Variants in ZC3H3 observed in about 807,000 individuals in gnomAD.
The protein encoded by ZC3H3 is zinc finger CCCH domain-containing protein 3.
Under a neutral mutation model 77.3 loss-of-function variants are expected in ZC3H3, and 36 were observed. The observed-to-expected ratio is 0.47, with a 90% CI of 0.36 to 0.61. The LOEUF is 0.61. Ranked by LOEUF, ZC3H3 falls within the 20% of genes least tolerant of loss-of-function variation. The pLI is 0.00. For synonymous variants in ZC3H3, 626 were observed against 555.2 expected, an observed-to-expected ratio of 1.13 and a Z score of -1.79; for missense variants, 1,331 against 1,312.2, an observed-to-expected ratio of 1.01 and a Z score of -0.22.
At chr8:143,481,180 G>T (rs534683678) in intron 4 of ZC3H3, among the ~76,000 whole-genome samples, 31 of 152,268 alleles carry the variant, frequency 2.0e-4, no homozygotes, top group Non-Finnish European at 3.8e-4. Flanking sequence ...GGGAAGGCTG[G>T]GCCTCTCCGG....
intron 3 of ZC3H3, among the ~76,000 whole-genome samples, chr8:143,508,957 G>A (rs897129434): frequency 1.3e-5 from 2 of 152,146 alleles, no homozygotes; most frequent in South Asian, 2.1e-4. Context: ...TAAACGCAAC[G>A]GACCTTGAGC....
chr8:143,518,927 G>A (rs1563875608), intron 3 of ZC3H3, among the ~76,000 whole-genome samples: 1 of 152,348 alleles, frequency 6.6e-6, no homozygotes, highest in East Asian at 1.9e-4. Flanking sequence ...TTGCCTTTGA[G>A]GGAAGCCCAT....
chr8:143,527,843 G>A (rs1053056558), intron 3 of ZC3H3, among the ~76,000 whole-genome samples: 9 of 152,188 alleles, frequency 5.9e-5, no homozygotes, highest in Non-Finnish European at 8.8e-5. Flanking sequence ...CAAAGGCACC[G>A]CTCAGCCCCA....
Position 143,454,206 on chromosome 8 carries a change from C to T in ZC3H3, c.2307+11511G>A, listed in dbSNP as rs530877069. On this transcript the variant is annotated intron_variant, in intron 9 of 11. Transcript: ENST00000262577. ...AAGCAATTCTCCTGCCTCAGCCTCC[C>T]AAGTAGCTGGGATTACAGGTGCCTA... 5.4e-4 allele frequency among the ~76,000 whole-genome samples: 82 copies of T among 150,582 alleles called. 1 individual carries two copies. The South Asian group carries it at 0.017, about 31-fold the overall frequency.
At chr8:143,466,835 C>T (rs1359607110) in intron 8 of ZC3H3, among the ~76,000 whole-genome samples, 1 of 152,202 alleles carries the variant, frequency 6.6e-6, no homozygotes, top group Non-Finnish European at 1.5e-5. Context: ...CTACCCTTGT[C>T]CCCCTCCCCT....
intron 11 of ZC3H3, 41 bp from the exon 12 acceptor site, chr8:143,438,128 G>A (rs774234200): frequency 1.3e-6 from 2 of 1,590,532 alleles, no homozygotes; most frequent in Non-Finnish European, 1.7e-6. Flanking sequence ...GGAAACCCCT[G>A]GAAGAACCTC....
At chr8:143,449,013 T>C (rs1285384339) in intron 9 of ZC3H3, among the ~76,000 whole-genome samples, 1 of 152,234 alleles carries the variant, frequency 6.6e-6, no homozygotes, top group Admixed American at 6.5e-5. Flanking sequence ...TTGGCCCCTT[T>C]GAGCCACAGC....
chr8:143,510,556 G>A lies in ZC3H3; in HGVS notation c.1562-2657C>T, dbSNP rs572149686. 2.6e-5 allele frequency among the ~76,000 whole-genome samples: 4 copies of A among 152,344 alleles called. No individual in the cohort carries two copies. In the South Asian group the frequency reaches 8.3e-4, roughly 32 times the overall value. ...AGACCATGCATGGCACACGGACCCA[G>A]AAAGTCAGGCTGCAGGAAGGAAGGG... is the stretch of plus-strand genomic sequence containing the variant. On this transcript the variant is annotated intron_variant, in intron 3 of 11. Coordinates refer to ENST00000262577, the MANE Select transcript of ZC3H3 (RefSeq NM_015117.3).
rs1286367945 is a variant in ZC3H3 at position 143,494,211 on chromosome 8, G to A, written c.1715+13535C>T. On this transcript the variant is annotated intron_variant, in intron 4 of 11. Coordinates refer to ENST00000262577, the MANE Select transcript of ZC3H3 (RefSeq NM_015117.3). This position sits in a 1 kb window ranked among gnomAD's most constrained non-coding sequence, Gnocchi z 5.3. ...CCCACACCCCACACAGAGGCCCAGAGCGCCCTGGACCCAGCTTCAACAGAG... is the reference window on the plus strand; with the variant it reads ...CCCACACCCCACACAGAGGCCCAGAACGCCCTGGACCCAGCTTCAACAGAG... Among the ~76,000 whole-genome samples the A allele has an allele frequency of 6.6e-6, 1 of 152,220 alleles. No homozygotes were observed. Among genetic ancestry groups the A allele is most frequent in the African/African-American group, 2.4e-5 (1 of 41,466 alleles).
chr8:143,453,871 T>C (rs967933277), intron 9 of ZC3H3, among the ~76,000 whole-genome samples: 3 of 152,222 alleles, frequency 2.0e-5, no homozygotes, highest in Admixed American at 6.5e-5. Flanking sequence ...GTTTCCACAC[T>C]TCACTCAAAC....
intron 2 of ZC3H3, 120 bp from the exon 3 acceptor site, chr8:143,536,573 C>G (rs905771740): frequency 9.1e-7 from 1 of 1,104,066 alleles, no homozygotes. Context: ...CAGGCCACAG[C>G]GGGTCCTTTC....
At chr8:143,528,939 G>A (rs879373270) in intron 3 of ZC3H3, among the ~76,000 whole-genome samples, 4 of 152,246 alleles carry the variant, frequency 2.6e-5, no homozygotes, top group Admixed American at 6.5e-5. Flanking sequence ...CAGGCAGGAC[G>A]GACAATAAGC....
intron 3 of ZC3H3, among the ~76,000 whole-genome samples, chr8:143,522,324 C>A (rs1282506057): frequency 6.6e-6 from 1 of 152,264 alleles, no homozygotes; most frequent in Non-Finnish European, 1.5e-5. Context: ...TATTGGAAGC[C>A]AGGCACAGTG....
At chr8:143,468,865 T>C (rs1364376697) in intron 5 of ZC3H3, among the ~76,000 whole-genome samples, 1 of 152,128 alleles carries the variant, frequency 6.6e-6, no homozygotes, top group African/African-American at 2.4e-5. Context: ...ACACAGCACC[T>C]GAGAGTGGGG....
intron 9 of ZC3H3, among the ~76,000 whole-genome samples, chr8:143,457,503 G>A (rs1028541747): frequency 4.6e-5 from 7 of 152,058 alleles, no homozygotes; most frequent in Admixed American, 6.5e-5. Context: ...AGGCTGAGGC[G>A]GATGGACTCT....
intron 3 of ZC3H3, among the ~76,000 whole-genome samples, chr8:143,532,590 G>C (rs1290647058): frequency 6.6e-6 from 1 of 152,268 alleles, no homozygotes. Flanking sequence ...GCCGATGGAG[G>C]CCTTGGCCAC....
At chr8:143,502,240 GCC>G (rs1177706380) in intron 4 of ZC3H3, among the ~76,000 whole-genome samples, 8 of 152,254 alleles carry the variant, frequency 5.3e-5, no homozygotes, top group African/African-American at 1.9e-4. Context: ...GTGTGACACG[GCC>G]CCAGCCGACG....
intron 3 of ZC3H3, among the ~76,000 whole-genome samples, chr8:143,508,736 C>G (rs993399036): frequency 6.6e-6 from 1 of 152,068 alleles, no homozygotes; most frequent in Admixed American, 6.5e-5. Flanking sequence ...CCCTCCACCC[C>G]CTTCAGGGTC....
intron 3 of ZC3H3, among the ~76,000 whole-genome samples, chr8:143,518,581 G>A (rs1398192421): frequency 1.3e-5 from 2 of 152,266 alleles, no homozygotes; most frequent in African/African-American, 4.8e-5. Flanking sequence ...CCTTTCCTGT[G>A]ACTGCGGGAC....
Sources: allele counts gnomAD v4.1 joint callset (sites outside exome capture counted in the v4.1 genomes callset), GRCh38; gene constraint gnomAD v4.1.1; non-coding constraint Gnocchi (gnomAD v3.1); transcripts MANE v1.5; gene names NCBI Gene and HGNC (gene_info 2026-07-23, HGNC 2026-07-21).